The following SPEN variants were observed in gnomAD, a reference collection of about 807,000 sequenced individuals.
The protein encoded by SPEN is msx2-interacting protein.
SPEN carries 18 observed loss-of-function variants against 269.9 expected under a neutral mutation model. That is an observed-to-expected ratio of 0.07 (90% CI 0.05 to 0.10). The LOEUF is 0.10. Among genes scored for constraint, SPEN ranks in the 10% least tolerant of loss-of-function variants. SPEN has a pLI of 1.00. For missense variants in SPEN, 3,822 were observed against 4,631.2 expected (o/e 0.83, Z 5.07); for synonymous variants, 1,726 against 1,765.7 (o/e 0.98, Z 0.56).
chr1:15,874,418 A>T (rs764526701), intron 2 of SPEN: 1 of 1,335,152 alleles, frequency 7.5e-7, no homozygotes. Context: ...TGACCTGTGT[A>T]TATTAGCCCC....
At chr1:15,891,320 G>A (rs568304929) in intron 3 of SPEN, among the ~76,000 whole-genome samples, 4 of 151,734 alleles carry the variant, frequency 2.6e-5, no homozygotes, top group African/African-American at 7.3e-5. Flanking sequence ...CTAAGTAGCC[G>A]AGACTATAGA....
At chr1:15,912,024 C>T (rs1225685235) in intron 5 of SPEN, among the ~76,000 whole-genome samples, 1 of 152,094 alleles carries the variant, frequency 6.6e-6, no homozygotes. Flanking sequence ...ACTTGTTAGA[C>T]CAGTTTTATT....
intron 8 of SPEN, 46 bp from the exon 9 acceptor site, chr1:15,920,824 C>G: frequency 9.2e-7 from 1 of 1,089,718 alleles, no homozygotes; most frequent in Non-Finnish European, 1.3e-6. Flanking sequence ...GACACTAAGT[C>G]CAGTGGATGA....
At chr1:15,869,954 T>C (rs1172855982) in intron 1 of SPEN, among the ~76,000 whole-genome samples, 1 of 152,048 alleles carries the variant, frequency 6.6e-6, no homozygotes, top group South Asian at 2.1e-4. Flanking sequence ...GCAACCTCAC[T>C]GCCTTCTGGG....
rs557520045 is a variant in SPEN, at chr1:15,939,101, G to A, written c.10864-195G>A. ...AGGTTTTCCATGAGTTTAAAGATAGGGCCCCAGGGGGTTCCTGTTTATAGT... is the reference window on the plus strand; with the variant it reads ...AGGTTTTCCATGAGTTTAAAGATAGAGCCCCAGGGGGTTCCTGTTTATAGT... On this transcript the variant is annotated intron_variant, in intron 14 of 14. Coordinates refer to ENST00000375759, the MANE Select transcript of SPEN (RefSeq NM_015001.3). The surrounding 1 kb of genome is among the most constrained non-coding windows in gnomAD (Gnocchi z 4.1). Among the ~76,000 whole-genome samples the A allele has an allele frequency of 6.6e-6, 1 of 152,274 alleles. No homozygotes were observed. Among genetic ancestry groups the A allele is most frequent in the East Asian group, 1.9e-4 (1 of 5,182 alleles).
chr1:15,876,688 C>A lies in SPEN; in HGVS notation c.881+10C>A. The A allele has an allele frequency of 6.3e-7, 1 of 1,595,106 alleles. No homozygotes were observed. The highest frequency in any genetic ancestry group is 8.6e-7 in the Non-Finnish European group (1 of 1,164,640). Reference sequence around the variant, plus strand: ...GTACCAGCAGTGACAGGTAGGTTAACAGCCTTTTGTTATAACAGATGAGCT... The same window carrying A: ...GTACCAGCAGTGACAGGTAGGTTAAAAGCCTTTTGTTATAACAGATGAGCT... On this transcript the variant is annotated intron_variant, in intron 3 of 14. Transcript: ENST00000375759.
At chr1:15,906,401 A>G (rs1337836374) in intron 3 of SPEN, among the ~76,000 whole-genome samples, 1 of 148,600 alleles carries the variant, frequency 6.7e-6, no homozygotes, top group Non-Finnish European at 1.5e-5. Flanking sequence ...TCAAACCACT[A>G]TCAGAAAGTG....
chr1:15,901,659 A>G (rs1360565763), intron 3 of SPEN, among the ~76,000 whole-genome samples: 1 of 151,284 alleles, frequency 6.6e-6, no homozygotes, highest in Non-Finnish European at 1.5e-5. Context: ...CAAAAAAAAA[A>G]AAAAAAAAAA....
Position 15,929,199 on chromosome 1 carries a change from C to T in SPEN, c.2959C>T (p.Arg987Cys), listed in dbSNP as rs376676096. The change falls in exon 11 of 15, where the codon CGC becomes TGC. Residue 987 changes from arginine (R) to cysteine (C), a missense_variant. Arg to Cys is a radical substitution (Grantham distance 180). Transcript: ENST00000375759. This position sits in a 1 kb window ranked among gnomAD's most constrained non-coding sequence, Gnocchi z 5.8. ...GGAGAAGCTGGAAGCCAGGAAAAGG[C>T]GCTTTGCAGATTCCAATTTAAAAGC... is the stretch of plus-strand genomic sequence containing the variant. ...DLEKLEARKR[R>C]FADSNLKAEK... 5 of 1,614,008 alleles carry T rather than the reference C, an allele frequency of 3.1e-6. No individual in the cohort carries two copies. The highest frequency in any genetic ancestry group is 2.2e-5 in the South Asian group (2 of 91,090).
chr1:15,929,099 G>C lies in SPEN; in HGVS notation c.2859G>C (p.Glu953Asp), dbSNP rs764353558. Residue 953 changes from glutamate (E) to aspartate (D), a missense_variant, in exon 11 of 15, where the codon GAG becomes GAC. Glu to Asp is a conservative substitution (Grantham distance 45). Coordinates refer to ENST00000375759, the MANE Select transcript of SPEN (RefSeq NM_015001.3). This position sits in a 1 kb window ranked among gnomAD's most constrained non-coding sequence, Gnocchi z 5.8. ...KGLSSHVEVV[E>D]KEGRLKARKH... is the part of the protein sequence containing the mutation. ...TTTCAAGCCATGTTGAAGTGGTGGA[G>C]AAGGAAGGCAGGCTTAAAGCCAGGA... 7 of 1,614,244 alleles carry C rather than the reference G, an allele frequency of 4.3e-6. No individual in the cohort carries two copies. The South Asian group carries it at 7.7e-5, about 18-fold the overall frequency.
chr1:15,896,744 G>A (rs1557747401), intron 3 of SPEN, among the ~76,000 whole-genome samples: 1 of 152,140 alleles, frequency 6.6e-6, no homozygotes, highest in Non-Finnish European at 1.5e-5. Flanking sequence ...GCAATAAAGG[G>A]TCATTGTAAT....
intron 3 of SPEN, among the ~76,000 whole-genome samples, chr1:15,894,535 TG>T (rs146924976): frequency 4.0e-4 from 56 of 141,618 alleles, no homozygotes; most frequent in African/African-American, 1.2e-3. Flanking sequence ...ATATTATGGT[TG>T]TTTTTTTTTT....
At chr1:15,866,065 T>C (rs1444657102) in intron 1 of SPEN, among the ~76,000 whole-genome samples, 2 of 152,112 alleles carry the variant, frequency 1.3e-5, no homozygotes, top group East Asian at 3.9e-4. Context: ...TCCAAAATTA[T>C]ATGACAGCTC....
At position 15,928,831 on chromosome 1, in the gene SPEN, A is replaced by G. The variant is rs1190587572; in HGVS notation, c.2591A>G (p.Lys864Arg). 2 of 1,614,104 alleles carry G rather than the reference A, an allele frequency of 1.2e-6. No homozygotes were observed. Among genetic ancestry groups the G allele is most frequent in the Non-Finnish European group, 1.7e-6 (2 of 1,179,974 alleles). The stretch of plus-strand genomic sequence containing the variant: ...AAACTGAGCAGAGAGAAAGCTGACA[A>G]AGAGGGAATAGCGAAAAACCGCCTG... ...CNKLSREKADKEGIAKNRLEL... is the reference protein window; with the variant it reads ...CNKLSREKADREGIAKNRLEL... Residue 864 changes from lysine to arginine, a missense_variant, in exon 11 of 15, where the codon AAA (lysine) becomes AGA (arginine). Around this residue, in one of 16 missense-constraint regions of SPEN, gnomAD observed 572 missense variants for 582.6 expected, o/e 0.98. Coordinates refer to ENST00000375759, the MANE Select transcript of SPEN (RefSeq NM_015001.3). The surrounding 1 kb of genome is among the most constrained non-coding windows in gnomAD (Gnocchi z 5.7).
chr1:15,893,195 A>G (rs1341565753), intron 3 of SPEN, among the ~76,000 whole-genome samples: 3 of 152,368 alleles, frequency 2.0e-5, no homozygotes, highest in African/African-American at 7.2e-5. Context: ...GTCTGTTTAC[A>G]TACTGGTGCT....
intron 3 of SPEN, among the ~76,000 whole-genome samples, chr1:15,903,866 TAAAAC>T (rs2070926473): frequency 6.6e-6 from 1 of 152,186 alleles, no homozygotes; most frequent in Non-Finnish European, 1.5e-5. Context: ...TCCACTTTCT[TAAAAC>T]AATTAGTCAA....
chr1:15,890,968 A>G (rs115441324), intron 3 of SPEN, among the ~76,000 whole-genome samples: 1,672 of 152,324 alleles, frequency 0.011, 11 homozygotes, highest in Middle Eastern at 0.02. Flanking sequence ...CCACATTTCA[A>G]GTGCTCAATA....
intron 5 of SPEN, among the ~76,000 whole-genome samples, chr1:15,912,156 T>C (rs1426879799): frequency 6.6e-6 from 1 of 152,188 alleles, no homozygotes; most frequent in Non-Finnish European, 1.5e-5. Context: ...ATTTATTATC[T>C]TGAACCTACC....
chr1:15,920,857 G>A lies in SPEN; in HGVS notation c.1636-13G>A, dbSNP rs1382931108. ...TGAGGCTCTTACTTGTTTTTTGTTT[G>A]TTTGTTTTACAGGTGGTGTTTGACC... is the stretch of plus-strand genomic sequence containing the variant. On this transcript the variant is annotated splice_polypyrimidine_tract_variant and intron_variant, in intron 8 of 14. Coordinates refer to ENST00000375759, the MANE Select transcript of SPEN (RefSeq NM_015001.3). The A allele has an allele frequency of 1.9e-6, 3 of 1,547,456 alleles. No homozygotes were observed.
Sources: allele counts gnomAD v4.1 joint callset (sites outside exome capture counted in the v4.1 genomes callset), GRCh38; gene constraint gnomAD v4.1.1; regional missense constraint gnomAD v4.1.1; non-coding constraint Gnocchi (gnomAD v3.1); transcripts MANE v1.5; gene names NCBI Gene and HGNC (gene_info 2026-07-23, HGNC 2026-07-21).